ZBED6: variants seen among roughly 807,000 people sequenced by gnomAD.
ZBED6 encodes zinc finger BED-type containing 6.
A neutral mutation model predicts 58.4 loss-of-function variants in ZBED6; 40 were observed. The ratio of observed to expected loss-of-function variants is 0.68; its 90% CI spans 0.53 to 0.89. The LOEUF (loss-of-function observed/expected upper bound fraction) is 0.89. Ranked by LOEUF, ZBED6 falls within the 40% of genes least tolerant of loss-of-function variation. The probability of loss-of-function intolerance (pLI) is 0.00; values close to 1 mark genes in which losing one functional copy is unlikely to be tolerated. For missense variants in ZBED6, 1,057 were observed against 1,003.9 expected, an observed-to-expected ratio of 1.05 and a Z score of -0.71; for synonymous variants, 439 against 350.6, an observed-to-expected ratio of 1.25 and a Z score of -2.82.
rs761937044 is a variant in ZBED6 at position 203,833,379 on chromosome 1, A to AAAAC, written c.*3511-409_*3511-408insCAAA. Among the ~76,000 whole-genome samples the AAAAC allele has an allele frequency of 5.8e-3, 842 of 145,760 alleles. 10 individuals are homozygous for AAAAC. Among genetic ancestry groups the AAAAC allele is most frequent in the African/African-American group, 0.017 (700 of 40,020 alleles). On this transcript the variant is annotated intron_variant, in intron 8 of 16. Transcript: ENST00000550078. ...GACTCTGTCTCAAAAAAAAAAAAAA[A>AAAAC]AAAAACACCAGGTGTGGTAGTGTGC...
chr1:203,797,464 C>A lies in ZBED6; in HGVS notation c.-59C>A. 1 of 1,412,080 alleles carries A rather than the reference C, an allele frequency of 7.1e-7. No individual in the cohort carries two copies. Among genetic ancestry groups the A allele is most frequent in the Non-Finnish European group, 9.3e-7 (1 of 1,080,760 alleles). The allele number at this position is 1,412,080 out of a possible 1,614,324, so 87.5% of individuals were successfully genotyped here. ...CAAGTAGAGAGGAACAGCTGTATTT[C>A]TGCTTGAGTAATAAACCCACTAACA... On this transcript the variant is annotated 5_prime_UTR_variant, in exon 1 of 17. In the 5' UTR this introduces an upstream ATG that the reference lacks. Transcript: ENST00000550078.
At chr1:203,800,169 G>A in exon 1 of ZBED6, 1 of 1,532,786 alleles carries the variant, frequency 6.5e-7, no homozygotes, top group Non-Finnish European at 8.7e-7. Context: ...AGGAGGTGAT[G>A]ACCCTTTAAT....
chr1:203,818,168 GCA>G (rs992460874), intron 2 of ZBED6, among the ~76,000 whole-genome samples: 3 of 152,086 alleles, frequency 2.0e-5, no homozygotes, highest in Non-Finnish European at 4.4e-5. Flanking sequence ...ATGCAGTGGA[GCA>G]CAGTTATATT....
exon 1 of ZBED6, chr1:203,799,030 T>A: frequency 6.5e-7 from 1 of 1,536,130 alleles, no homozygotes. Context: ...GTACACTGGG[T>A]TTCTTTGGAA....
At chr1:203,811,095 T>C in intron 1 of ZBED6, among the ~76,000 whole-genome samples, 1 of 148,186 alleles carries the variant, frequency 6.7e-6, no homozygotes, top group Non-Finnish European at 1.5e-5. Context: ...GAGCCGAGAT[T>C]GCGCCACTGC....
intron 7 of ZBED6, 52 bp downstream of exon 7, chr1:203,830,255 C>G (rs769865095): frequency 6.4e-6 from 9 of 1,404,642 alleles, no homozygotes; most frequent in Non-Finnish European, 8.8e-6. Flanking sequence ...GGGAAGAATA[C>G]TAAGGACGCT....
chr1:203,797,433 G>A, exon 1 of ZBED6: 1 of 1,235,588 alleles, frequency 8.1e-7, no homozygotes, highest in African/African-American at 1.5e-5. Flanking sequence ...TGGAGAAAAG[G>A]TAATGCAAGT....
At position 203,828,489 on chromosome 1, in the gene ZBED6, A is replaced by G. The variant is rs1681276110; in HGVS notation, c.*2997+67A>G. 8 of 1,527,618 alleles carry G rather than the reference A, an allele frequency of 5.2e-6. No individual in the cohort carries two copies. In the South Asian group the frequency reaches 9.7e-5, roughly 19 times the overall value. The allele number at this position is 1,527,618 out of a possible 1,614,324, so 94.6% of individuals were successfully genotyped here. On this transcript the variant is annotated intron_variant, in intron 4 of 16. Transcript: ENST00000550078. ...CCTATTATGCACACTGTACAACAGT[A>G]CTTTTCAGACATTGACTCCTTTCAG...
At chr1:203,851,970 A>G (rs1475272520) in intron 16 of ZBED6, among the ~76,000 whole-genome samples, 171 bp from the exon 17 acceptor site, 1 of 18,230 alleles carries the variant, frequency 5.5e-5, no homozygotes, top group Non-Finnish European at 1.4e-4. Flanking sequence ...CTCTGCCTCA[A>G]AAAAAAAAAA....
At position 203,798,178 on chromosome 1, in the gene ZBED6, C is replaced by CAT; in HGVS notation, c.656_657insAT (p.Thr220LeufsTer5). 2 of 1,536,092 alleles carry CAT rather than the reference C, an allele frequency of 1.3e-6. No homozygotes were observed. The highest frequency in any genetic ancestry group is 1.7e-6 in the Non-Finnish European group (2 of 1,146,908). ...AGCAATGGAAGCTTTGAATATATTC[C>CAT]TACTGATCCATTAGATGATAATAGA... On this transcript the variant is annotated frameshift_variant, in exon 1 of 17. Transcript: ENST00000550078. LOFTEE classifies it high-confidence loss of function.
chr1:203,797,702 T>C (rs1219286761), exon 1 of ZBED6: 4 of 1,534,786 alleles, frequency 2.6e-6, no homozygotes, highest in African/African-American at 2.7e-5. Context: ...AACAGCCTGC[T>C]AAAAAGAAAA....
rs765606272 is a variant in ZBED6 at position 203,796,488 on chromosome 1, C to T, written c.-1035C>T. ...CGTAATGAAGAACACCCCTAAACTC[C>T]CATAATCGGTGCGGATTCCTATGGG... is the stretch of plus-strand genomic sequence containing the variant. On this transcript the variant is annotated 5_prime_UTR_variant, in exon 1 of 17. Coordinates refer to ENST00000550078, the Ensembl canonical transcript of ZBED6. 1.8e-5 allele frequency: 7 copies of T among 398,886 alleles called. No homozygotes were observed. The East Asian group carries it at 2.5e-4, about 14-fold the overall frequency. 24.7% of individuals were successfully genotyped at this position (398,886 alleles called of 1,614,324 possible). A position where few individuals can be genotyped will look rare whatever the true frequency, so the allele number is the denominator to read the frequency against.
exon 1 of ZBED6, chr1:203,799,511 C>T (rs1260754420): frequency 2.8e-6 from 2 of 702,882 alleles, no homozygotes; most frequent in African/African-American, 1.7e-5. Context: ...AGCATTGCTA[C>T]TCAGTTCACC....
chr1:203,849,983 G>C (rs748053700), exon 14 of ZBED6: 1 of 1,613,976 alleles, frequency 6.2e-7, no homozygotes, highest in Non-Finnish European at 8.5e-7. Context: ...ACTCATTATT[G>C]AATGTGAAAT....
chr1:203,839,976 G>T (rs59007205), intron 10 of ZBED6, among the ~76,000 whole-genome samples: 1 of 131,454 alleles, frequency 7.6e-6, no homozygotes, highest in Non-Finnish European at 1.7e-5. Flanking sequence ...GCTAATTTTT[G>T]TGTTTTTAGT....
At chr1:203,804,482 C>T (rs997532007) in intron 1 of ZBED6, among the ~76,000 whole-genome samples, 1 of 151,910 alleles carries the variant, frequency 6.6e-6, no homozygotes, top group East Asian at 1.9e-4. Flanking sequence ...TGTGAATGGT[C>T]TCTTCCTGTA....
intron 1 of ZBED6, among the ~76,000 whole-genome samples, chr1:203,815,660 C>T (rs7547408): frequency 0.49 from 74,211 of 151,946 alleles, 18,691 homozygotes; most frequent in Non-Finnish European, 0.53. Context: ...GTTTAGTACC[C>T]ATGTTCAGTG....
At chr1:203,851,832 G>A (rs1689352299) in intron 16 of ZBED6, among the ~76,000 whole-genome samples, 1 of 151,660 alleles carries the variant, frequency 6.6e-6, no homozygotes, top group Admixed American at 6.6e-5. Flanking sequence ...AAAATCACAT[G>A]GTGACACACA....
chr1:203,829,582 T>G, exon 5 of ZBED6: 1 of 1,614,122 alleles, frequency 6.2e-7, no homozygotes, highest in Non-Finnish European at 8.5e-7. Flanking sequence ...AGTAGAAAGT[T>G]CCGAAAATGT....
Sources: gnomAD v4.1 joint callset for allele counts (sites outside exome capture counted in the v4.1 genomes callset) on GRCh38, gnomAD v4.1.1 for gene constraint, MANE v1.5 for transcripts, NCBI Gene and HGNC (gene_info 2026-07-23, HGNC 2026-07-21) for gene names.